Variants in COL19A1 observed in about 807,000 individuals in gnomAD.
COL19A1 encodes collagen type XIX alpha 1 chain.
Under a neutral mutation model 190.2 loss-of-function variants are expected in COL19A1, and 159 were observed. The observed-to-expected ratio is 0.84, with a 90% confidence interval of 0.73 to 0.95. COL19A1 has a LOEUF of 0.95. Ranked by LOEUF, COL19A1 falls within the 40% of genes least tolerant of loss-of-function variation. COL19A1 has a pLI of 0.00. For synonymous variants in COL19A1, 509 were observed against 458.9 expected (o/e 1.11, Z -1.39); for missense variants, 1,418 against 1,431.9 (o/e 0.99, Z 0.16).
intron 14 of COL19A1, among the ~76,000 whole-genome samples, chr6:70,052,209 A>G (rs1222342724): frequency 6.6e-6 from 1 of 152,082 alleles, no homozygotes; most frequent in Non-Finnish European, 1.5e-5. Context: ...ATCTTTTTTT[A>G]TTTAGGACCA....
intron 3 of COL19A1, among the ~76,000 whole-genome samples, chr6:69,899,888 T>C (rs545219595): frequency 5.2e-4 from 79 of 152,352 alleles, no homozygotes; most frequent in African/African-American, 1.9e-3. Context: ...ACTGAATGGC[T>C]GTACTATTTT....
chr6:70,185,414 G>A (rs564367407), intron 46 of COL19A1, among the ~76,000 whole-genome samples: 25 of 152,256 alleles, frequency 1.6e-4, no homozygotes, highest in African/African-American at 5.8e-4. Flanking sequence ...TGTCTCCTGG[G>A]AAGCAAAATC....
In COL19A1 at chr6:69,910,325, C is replaced by T. The variant is rs114159008; in HGVS notation, c.266+9987C>T. Among the ~76,000 whole-genome samples the T allele has an allele frequency of 2.6e-3, 389 of 152,232 alleles. 5 individuals carry two copies. Among genetic ancestry groups the T allele is most frequent in the African/African-American group, 8.9e-3 (369 of 41,544 alleles). Reference sequence around the variant, plus strand: ...TGTATCAATGGTACCACAATGACTTCTGTGATGTAGTACTTTATCACCATT... The same window carrying T: ...TGTATCAATGGTACCACAATGACTTTTGTGATGTAGTACTTTATCACCATT... On this transcript the variant is annotated intron_variant, in intron 4 of 50. Coordinates refer to ENST00000620364, the MANE Select transcript of COL19A1 (RefSeq NM_001858.6).
intron 11 of COL19A1, among the ~76,000 whole-genome samples, chr6:69,964,535 A>G (rs1774983115): frequency 6.6e-6 from 1 of 152,162 alleles, no homozygotes; most frequent in African/African-American, 2.4e-5. Context: ...TTGTTTTGAT[A>G]GTTTATATAC....
At chr6:70,070,332 A>G (rs1781474328) in intron 15 of COL19A1, among the ~76,000 whole-genome samples, 1 of 152,254 alleles carries the variant, frequency 6.6e-6, no homozygotes, top group Admixed American at 6.6e-5. Context: ...TTCAACCACT[A>G]TTTTATGTAA....
intron 14 of COL19A1, among the ~76,000 whole-genome samples, chr6:70,052,952 A>C (rs1780289680): frequency 6.6e-6 from 1 of 152,204 alleles, no homozygotes; most frequent in Non-Finnish European, 1.5e-5. Flanking sequence ...AAATTAAATA[A>C]GATCATATAT....
intron 41 of COL19A1, among the ~76,000 whole-genome samples, chr6:70,172,299 A>G (rs866250494): frequency 2.6e-5 from 4 of 152,188 alleles, no homozygotes; most frequent in African/African-American, 9.7e-5. Flanking sequence ...GCAGTATCTG[A>G]GCAAAGACCT....
At chr6:69,880,707 A>G (rs1330222798) in intron 2 of COL19A1, among the ~76,000 whole-genome samples, 1 of 152,156 alleles carries the variant, frequency 6.6e-6, no homozygotes, top group Non-Finnish European at 1.5e-5. Flanking sequence ...ATATTCTGTT[A>G]TTGTACAAAA....
chr6:70,142,868 A>G (rs1354710904), intron 23 of COL19A1, 48 bp downstream of exon 23: 1 of 1,536,110 alleles, frequency 6.5e-7, no homozygotes, highest in Middle Eastern at 1.7e-4. Context: ...TGAGACTAGG[A>G]CATGTTTTTA....
chr6:70,168,133 T>A (rs1562238826), intron 38 of COL19A1, 38 bp from the exon 39 acceptor site: 1 of 1,609,384 alleles, frequency 6.2e-7, no homozygotes, highest in Non-Finnish European at 8.5e-7. Flanking sequence ...ATTCGTCTCA[T>A]CTTTCTCTTT....
At chr6:70,097,974 T>A (rs1783387020) in intron 15 of COL19A1, among the ~76,000 whole-genome samples, 1 of 152,204 alleles carries the variant, frequency 6.6e-6, no homozygotes. Context: ...CCCCACCTTT[T>A]GTCTCACTTT....
In COL19A1 at chr6:69,936,792, A is replaced by G; in HGVS notation, c.755A>G (p.Glu252Gly). 1 of 1,612,930 alleles carries G rather than the reference A, an allele frequency of 6.2e-7. No homozygotes were observed. Among genetic ancestry groups the G allele is most frequent in the South Asian group, 1.1e-5 (1 of 91,030 alleles). ...CCTCTTTTTGGATTTTAGTGCCCAG[A>G]GCAGGATGGCTTTGGAAATATTGCA... ...CCEISDTKCP[E>G]QDGFGNIASS... Residue 252 changes from glutamate to glycine, a missense_variant, in exon 8 of 51, where the codon GAG (glutamate) becomes GGG (glycine). Physicochemically the swap from Glu to Gly is moderately conservative, Grantham distance 98 (BLOSUM62 -2). Coordinates refer to ENST00000620364, the MANE Select transcript of COL19A1 (RefSeq NM_001858.6).
chr6:69,911,392 T>C (rs1480154952), intron 4 of COL19A1, among the ~76,000 whole-genome samples: 1 of 151,990 alleles, frequency 6.6e-6, no homozygotes, highest in Non-Finnish European at 1.5e-5. Flanking sequence ...CACTTTTTTT[T>C]CCCCCAAATT....
rs531443460 is a variant in COL19A1 at position 70,062,889 on chromosome 6, A to G, written c.1171-5534A>G. 3.7e-3 allele frequency among the ~76,000 whole-genome samples: 559 copies of G among 152,208 alleles called. 10 individuals are homozygous for G. The highest frequency in any genetic ancestry group is 0.013 in the African/African-American group (529 of 41,490). On this transcript the variant is annotated intron_variant, in intron 14 of 50. Coordinates refer to ENST00000620364, the MANE Select transcript of COL19A1 (RefSeq NM_001858.6). ...AAGATCAAAAGAGACAAAGAAGGCC[A>G]TTACATAATGGTAAAGGGATCAATT...
At chr6:70,055,575 A>G (rs1401657806) in intron 14 of COL19A1, among the ~76,000 whole-genome samples, 1 of 151,956 alleles carries the variant, frequency 6.6e-6, no homozygotes, top group Non-Finnish European at 1.5e-5. Context: ...TGAGATCAGG[A>G]GTTCAGGACC....
chr6:69,948,984 C>T (rs1223410425), intron 9 of COL19A1, among the ~76,000 whole-genome samples: 1 of 151,754 alleles, frequency 6.6e-6, no homozygotes, highest in Non-Finnish European at 1.5e-5. Context: ...TCCCAGAGAA[C>T]TTAAGAAGCT....
At chr6:69,939,729 T>G (rs1773335860) in intron 9 of COL19A1, among the ~76,000 whole-genome samples, 2 of 152,102 alleles carry the variant, frequency 1.3e-5, no homozygotes, top group South Asian at 4.1e-4. Flanking sequence ...GTAACACAAT[T>G]AAGAGGACTC....
intron 15 of COL19A1, among the ~76,000 whole-genome samples, chr6:70,076,852 C>T (rs1781913276): frequency 6.6e-6 from 1 of 152,150 alleles, no homozygotes; most frequent in African/African-American, 2.4e-5. Flanking sequence ...TGCTAATACA[C>T]CTGCATCAGG....
rs377659085 is a variant in COL19A1, at chr6:70,149,848, C to T, written c.1930-3C>T. On this transcript the variant is annotated splice_polypyrimidine_tract_variant and splice_region_variant and intron_variant, in intron 28 of 50. Transcript: ENST00000620364. ...AACTGTTTTTATTTCCCTCCTTTTC[C>T]AGGGTCCTCGAGGTCTCCCTGGGTT... is the stretch of plus-strand genomic sequence containing the variant. 1 of 1,613,610 alleles carries T rather than the reference C, an allele frequency of 6.2e-7. No individual in the cohort carries two copies. The highest frequency in any genetic ancestry group is 1.3e-5 in the African/African-American group (1 of 74,970).
Sources: gnomAD v4.1 joint callset for allele counts (sites outside exome capture counted in the v4.1 genomes callset) on GRCh38, gnomAD v4.1.1 for gene constraint, MANE v1.5 for transcripts, NCBI Gene and HGNC (gene_info 2026-07-23, HGNC 2026-07-21) for gene names.